Variants in GNAQ observed in about 807,000 individuals in gnomAD.
GNAQ encodes guanine nucleotide-binding protein G(q) subunit alpha.
A neutral mutation model predicts 43.9 loss-of-function variants in GNAQ; 8 were observed. That is an observed-to-expected ratio of 0.18 (90% CI 0.11 to 0.33). The LOEUF is 0.33. GNAQ is among the 10% of genes least tolerant of loss of function. The pLI is 1.00. For synonymous variants in GNAQ, 155 were observed against 170.7 expected (o/e 0.91, Z 0.71); for missense variants, 158 against 450.8 (o/e 0.35, Z 5.88).
At chr9:77,924,994 G>A (rs1301648836) in intron 1 of GNAQ, among the ~76,000 whole-genome samples, 4 of 151,884 alleles carry the variant, frequency 2.6e-5, no homozygotes, top group South Asian at 2.1e-4. Context: ...TAGCTTCCTC[G>A]CTGCAGTGGC....
chr9:78,018,963 C>T (rs1823871853), intron 1 of GNAQ, among the ~76,000 whole-genome samples: 1 of 152,160 alleles, frequency 6.6e-6, no homozygotes, highest in African/African-American at 2.4e-5. Context: ...CATCCTCCCA[C>T]CCGCTGCAGA....
intron 2 of GNAQ, among the ~76,000 whole-genome samples, chr9:77,911,961 G>A (rs897765510): frequency 3.9e-5 from 6 of 152,174 alleles, no homozygotes; most frequent in South Asian, 2.1e-4. Context: ...GAAATAAACC[G>A]AGGCCTCAAG....
intron 2 of GNAQ, among the ~76,000 whole-genome samples, chr9:77,894,069 G>A (rs764076999): frequency 4.6e-5 from 7 of 151,928 alleles, no homozygotes; most frequent in Non-Finnish European, 1.0e-4. Flanking sequence ...TGAGGAAAAT[G>A]TGTCCTAGAG....
intron 1 of GNAQ, among the ~76,000 whole-genome samples, chr9:77,960,537 T>G (rs944245483): frequency 6.6e-5 from 10 of 152,174 alleles, no homozygotes; most frequent in African/African-American, 2.4e-4. Flanking sequence ...TTGGTGGCTG[T>G]GTGCTCTGGA....
intron 2 of GNAQ, among the ~76,000 whole-genome samples, chr9:77,893,798 C>G (rs373708352): frequency 6.6e-6 from 1 of 152,010 alleles, no homozygotes; most frequent in Non-Finnish European, 1.5e-5. Context: ...CTATTTGGCA[C>G]CTGAAGAAGA....
intron 2 of GNAQ, among the ~76,000 whole-genome samples, chr9:77,898,442 A>G (rs1168093734): frequency 6.6e-6 from 1 of 152,218 alleles, no homozygotes; most frequent in East Asian, 1.9e-4. Flanking sequence ...TCCTACTGTA[A>G]CACTTACTGC....
intron 2 of GNAQ, among the ~76,000 whole-genome samples, chr9:77,880,564 T>G (rs537279740): frequency 6.7e-6 from 1 of 149,576 alleles, no homozygotes; most frequent in Admixed American, 6.6e-5. Context: ...TGTTTTTTTT[T>G]TTTTGTTTTT....
At chr9:78,017,451 A>G (rs1823853502) in intron 1 of GNAQ, among the ~76,000 whole-genome samples, 4 of 152,228 alleles carry the variant, frequency 2.6e-5, no homozygotes, top group South Asian at 2.1e-4. Flanking sequence ...AAAAAATCCA[A>G]TTACACATAG....
intron 1 of GNAQ, among the ~76,000 whole-genome samples, chr9:78,023,782 A>AG (rs1255693189): frequency 6.6e-6 from 1 of 152,190 alleles, no homozygotes; most frequent in Non-Finnish European, 1.5e-5. Context: ...AGTTTTCCAA[A>AG]GGGAAAAAAA....
intron 1 of GNAQ, among the ~76,000 whole-genome samples, chr9:78,004,632 C>T (rs1057012027): frequency 8.5e-5 from 13 of 152,154 alleles, no homozygotes; most frequent in Non-Finnish European, 1.8e-4. Flanking sequence ...TATCTCACTT[C>T]TCCACTTGCA....
At chr9:78,026,891 C>T (rs1215478659) in intron 1 of GNAQ, among the ~76,000 whole-genome samples, 1 of 152,148 alleles carries the variant, frequency 6.6e-6, no homozygotes, top group African/African-American at 2.4e-5. Context: ...TGGTTTTCCT[C>T]ACGTTATTGT....
chr9:77,782,224 T>C (rs1227130424), intron 5 of GNAQ, among the ~76,000 whole-genome samples: 1 of 151,800 alleles, frequency 6.6e-6, no homozygotes, highest in Non-Finnish European at 1.5e-5. Context: ...AAATATTAAG[T>C]GATTATAGCC....
At chr9:77,876,692 G>T (rs912598874) in intron 2 of GNAQ, among the ~76,000 whole-genome samples, 1 of 152,084 alleles carries the variant, frequency 6.6e-6, no homozygotes, top group Non-Finnish European at 1.5e-5. Flanking sequence ...ATCTCTTTGA[G>T]CCTCCTAATA....
At chr9:77,889,654 T>C (rs1198611355) in intron 2 of GNAQ, among the ~76,000 whole-genome samples, 6 of 152,126 alleles carry the variant, frequency 3.9e-5, no homozygotes, top group Admixed American at 3.9e-4. Context: ...TAAGTCCTTC[T>C]TGATACCAGG....
At chr9:77,897,942 GAAAA>G (rs5898570) in intron 2 of GNAQ, among the ~76,000 whole-genome samples, 3 of 124,716 alleles carry the variant, frequency 2.4e-5, no homozygotes, top group African/African-American at 3.1e-5. Flanking sequence ...ACTTTCCCTG[GAAAA>G]AAAAAAAAAA....
rs954317967 is a variant in GNAQ, at chr9:77,789,734, G to A, written c.735+4729C>T. ...TTCACATAATTCATCTTTTAAAAAA[G>A]CTATTGCATAGATTATACTGTATAA... On this transcript the variant is annotated intron_variant, in intron 5 of 6. Transcript: ENST00000286548. 4.3e-4 allele frequency among the ~76,000 whole-genome samples: 66 copies of A among 151,976 alleles called. 1 individual carries two copies. The highest frequency in any genetic ancestry group is 7.4e-5 in the Non-Finnish European group (5 of 67,994).
At chr9:78,029,430 C>A (rs1445638427) in intron 1 of GNAQ, among the ~76,000 whole-genome samples, 2 of 151,936 alleles carry the variant, frequency 1.3e-5, no homozygotes, top group African/African-American at 4.8e-5. Flanking sequence ...CATTCAACTG[C>A]CTGTTTTCAG....
chr9:77,880,464 T>C (rs990234679), intron 2 of GNAQ, among the ~76,000 whole-genome samples: 4 of 152,120 alleles, frequency 2.6e-5, no homozygotes, highest in Non-Finnish European at 5.9e-5. Context: ...CACTTTAGCC[T>C]TGAACTCCTG....
chr9:77,941,335 C>T lies in GNAQ; in HGVS notation c.137-18990G>A, dbSNP rs147468839. Among the ~76,000 whole-genome samples, 1,301 of 152,026 alleles carry T rather than the reference C, an allele frequency of 8.6e-3. 17 individuals are homozygous for T. Among genetic ancestry groups the T allele is most frequent in the African/African-American group, 0.03 (1,229 of 41,458 alleles). On this transcript the variant is annotated intron_variant, in intron 1 of 6. Coordinates refer to ENST00000286548, the MANE Select transcript of GNAQ (RefSeq NM_002072.5). ...CGCAATCTTGGCTCAGTACAAGCTC[C>T]GCCTCCTGGGTTCACGCCATTCTCC...
Sources: gnomAD v4.1 joint callset for allele counts (sites outside exome capture counted in the v4.1 genomes callset) on GRCh38, gnomAD v4.1.1 for gene constraint, MANE v1.5 for transcripts, NCBI Gene and HGNC (gene_info 2026-07-23, HGNC 2026-07-21) for gene names.